SHISA9: variants seen among roughly 807,000 people sequenced by gnomAD.
SHISA9 encodes protein shisa-9.
Under a neutral mutation model 38.0 loss-of-function variants are expected in SHISA9, and 13 were observed. The ratio of observed to expected loss-of-function variants is 0.34; its 90% confidence interval spans 0.22 to 0.54. SHISA9 has a LOEUF of 0.54. SHISA9 is among the 20% of genes least tolerant of loss of function. The pLI is 0.91. For synonymous variants in SHISA9, 275 were observed against 242.0 expected (o/e 1.14, Z -1.27); for missense variants, 538 against 575.8 (o/e 0.93, Z 0.67).
At chr16:13,074,581 A>C (rs2073558614) in intron 2 of SHISA9, among the ~76,000 whole-genome samples, 1 of 152,130 alleles carries the variant, frequency 6.6e-6, no homozygotes, top group African/African-American at 2.4e-5. Flanking sequence ...TTCTTCAGCC[A>C]GCTTCCTACA....
At chr16:13,210,348 A>G (rs1311923191) in intron 3 of SHISA9, among the ~76,000 whole-genome samples, 5 of 152,182 alleles carry the variant, frequency 3.3e-5, no homozygotes, top group East Asian at 3.9e-4. Context: ...AGATGGCTCA[A>G]TGCAACCTTG....
Position 13,207,507 on chromosome 16 carries a change from T to C in SHISA9, c.847+3958T>C, listed in dbSNP as rs571557910. Among the ~76,000 whole-genome samples, 198 of 152,140 alleles carry C rather than the reference T, an allele frequency of 1.3e-3. 1 individual carries two copies. The highest frequency in any genetic ancestry group is 4.6e-3 in the African/African-American group (192 of 41,466). On this transcript the variant is annotated intron_variant, in intron 3 of 4. Transcript: ENST00000558583. ...GAATAGCTTGGTTGTAAGGAAGCACTCTAATACCTCCTAGAAAACTCTGAA... is the reference window on the plus strand; with the variant it reads ...GAATAGCTTGGTTGTAAGGAAGCACCCTAATACCTCCTAGAAAACTCTGAA...
At chr16:13,099,097 C>T (rs977240414) in intron 2 of SHISA9, among the ~76,000 whole-genome samples, 20 of 152,288 alleles carry the variant, frequency 1.3e-4, no homozygotes, top group African/African-American at 4.3e-4. Context: ...CAGCTGCTGC[C>T]TGTTTTTGCA....
intron 2 of SHISA9, among the ~76,000 whole-genome samples, chr16:13,105,158 G>T (rs982632582): frequency 6.6e-6 from 1 of 152,158 alleles, no homozygotes; most frequent in African/African-American, 2.4e-5. Context: ...TTTCTGTTAT[G>T]GTTGCCTTTC....
chr16:13,041,409 T>TCC (rs900000217), intron 2 of SHISA9, among the ~76,000 whole-genome samples: 1 of 152,242 alleles, frequency 6.6e-6, no homozygotes, highest in Non-Finnish European at 1.5e-5. Context: ...CAGGGCTTTG[T>TCC]AACAGCCTGC....
intron 2 of SHISA9, among the ~76,000 whole-genome samples, chr16:13,069,730 T>G (rs964374050): frequency 1.3e-5 from 2 of 152,102 alleles, no homozygotes; most frequent in Non-Finnish European, 2.9e-5. Flanking sequence ...TGAAACTTAA[T>G]CTCAGTGTGT....
At chr16:13,071,801 C>A (rs2073521873) in intron 2 of SHISA9, among the ~76,000 whole-genome samples, 1 of 151,914 alleles carries the variant, frequency 6.6e-6, no homozygotes, top group South Asian at 2.1e-4. Flanking sequence ...CCATGCCCGG[C>A]TTTTATTTTT....
the SHISA9 span, among the ~76,000 whole-genome samples, chr16:13,468,614 C>A: frequency 2.0e-5 from 3 of 152,150 alleles, no homozygotes; most frequent in African/African-American, 7.2e-5. Flanking sequence ...AATAGGAGGT[C>A]CATTCCTGCA....
chr16:13,037,158 T>A (rs950070170), intron 2 of SHISA9, among the ~76,000 whole-genome samples: 11 of 122,994 alleles, frequency 8.9e-5, no homozygotes, highest in African/African-American at 2.8e-4. Context: ...ACACACACAC[T>A]GTTGGTCCCA....
intron 3 of SHISA9, among the ~76,000 whole-genome samples, chr16:13,212,211 A>T (rs1015989787): frequency 6.6e-6 from 1 of 152,166 alleles, no homozygotes; most frequent in East Asian, 1.9e-4. Context: ...ACTGTTGAGG[A>T]CTTGGTCTTT....
chr16:13,523,498 C>T, the SHISA9 span, among the ~76,000 whole-genome samples: 1 of 152,100 alleles, frequency 6.6e-6, no homozygotes, highest in Admixed American at 6.5e-5. Context: ...CATAGTTCTG[C>T]AGAGTGTACA....
chr16:13,230,615 G>C (rs1411108504), intron 4 of SHISA9, among the ~76,000 whole-genome samples: 1 of 152,112 alleles, frequency 6.6e-6, no homozygotes, highest in Non-Finnish European at 1.5e-5. Context: ...TACGGGAAAG[G>C]AGTCCCGACC....
intron 2 of SHISA9, among the ~76,000 whole-genome samples, chr16:13,078,911 G>T (rs1383895501): frequency 6.6e-6 from 1 of 152,176 alleles, no homozygotes; most frequent in African/African-American, 2.4e-5. Flanking sequence ...TTAACCGGGA[G>T]CGTAAAAGGG....
intron 2 of SHISA9, among the ~76,000 whole-genome samples, chr16:13,160,426 G>C (rs1327731393): frequency 6.6e-6 from 1 of 152,168 alleles, no homozygotes; most frequent in African/African-American, 2.4e-5. Flanking sequence ...GTTTATGCTT[G>C]ATTAACATGA....
At chr16:13,291,815 C>T in the SHISA9 span, among the ~76,000 whole-genome samples, 5 of 152,068 alleles carry the variant, frequency 3.3e-5, no homozygotes, top group African/African-American at 1.2e-4. Context: ...AAAGCATACT[C>T]TTATATCATT....
the SHISA9 span, among the ~76,000 whole-genome samples, chr16:13,333,032 G>T: frequency 1.3e-5 from 2 of 152,148 alleles, no homozygotes; most frequent in East Asian, 1.9e-4. Flanking sequence ...CTCAGCAAGG[G>T]GTCCTCTGCC....
intron 1 of SHISA9, among the ~76,000 whole-genome samples, chr16:12,913,301 A>G (rs752816879): frequency 2.6e-5 from 4 of 152,060 alleles, no homozygotes; most frequent in Non-Finnish European, 5.9e-5. Context: ...GGTTCAAGCA[A>G]TTCTCCTGCC....
At chr16:13,265,572 AC>A in the SHISA9 span, among the ~76,000 whole-genome samples, 1 of 20,628 alleles carries the variant, frequency 4.8e-5, no homozygotes, top group Non-Finnish European at 9.2e-5. Context: ...CCCTACCTTC[AC>A]CCCCTCCTCT....
At chr16:12,970,485 ATATATATATATATTTTTTTTTTT>A (rs2072062085) in intron 2 of SHISA9, among the ~76,000 whole-genome samples, 2 of 24,114 alleles carry the variant, frequency 8.3e-5, no homozygotes, top group Non-Finnish European at 1.5e-4. Context: ...ATATATATAT[ATATATATATATATTTTTTTTTTT>A]TTTTTTTTTT....
Sources: gnomAD v4.1 joint callset for allele counts (sites outside exome capture counted in the v4.1 genomes callset) on GRCh38, gnomAD v4.1.1 for gene constraint, MANE v1.5 for transcripts, NCBI Gene and HGNC (gene_info 2026-07-23, HGNC 2026-07-21) for gene names.